Variants in PTH2R observed in about 807,000 individuals in gnomAD.
PTH2R encodes the protein PTH2 receptor.
A neutral mutation model predicts 60.3 loss-of-function variants in PTH2R; 59 were observed. The ratio of observed to expected loss-of-function variants is 0.98; its 90% CI spans 0.79 to 1.22. The LOEUF is 1.22. Among genes scored for constraint, PTH2R ranks in the 50% most tolerant of loss-of-function variants. The probability of loss-of-function intolerance (pLI) is 0.00; values close to 1 mark genes in which losing one functional copy is unlikely to be tolerated. For missense variants in PTH2R, 749 were observed against 682.6 expected, an observed-to-expected ratio of 1.10 and a Z score of -1.08; for synonymous variants, 256 against 243.8, an observed-to-expected ratio of 1.05 and a Z score of -0.47.
intron 1 of PTH2R, among the ~76,000 whole-genome samples, chr2:208,411,186 C>A (rs988074059): frequency 3.3e-5 from 5 of 152,144 alleles, no homozygotes; most frequent in Non-Finnish European, 5.9e-5. Context: ...GCAGAGGTTG[C>A]AGTGAGCTGA....
At chr2:208,367,276 T>C (rs938955757) in intron 1 of PTH2R, among the ~76,000 whole-genome samples, 5 of 152,058 alleles carry the variant, frequency 3.3e-5, no homozygotes, top group Non-Finnish European at 5.9e-5. Flanking sequence ...CTATTTTTAG[T>C]AGAGACAGGG....
upstream of PTH2R, among the ~76,000 whole-genome samples, chr2:208,402,680 C>T (rs1701331998): frequency 6.6e-6 from 1 of 152,118 alleles, no homozygotes; most frequent in Non-Finnish European, 1.5e-5. Context: ...GAGCATATGC[C>T]TTCGTGTGCT....
intron 1 of PTH2R, among the ~76,000 whole-genome samples, chr2:208,401,344 G>T (rs1261027076): frequency 6.6e-6 from 1 of 152,064 alleles, no homozygotes; most frequent in African/African-American, 2.4e-5. Context: ...GGAGAGTTAG[G>T]ATTAGCATCT....
chr2:208,472,085 T>C (rs1702894927), intron 9 of PTH2R, among the ~76,000 whole-genome samples: 1 of 152,194 alleles, frequency 6.6e-6, no homozygotes, highest in Admixed American at 6.5e-5. Context: ...CCCCATTTTA[T>C]CTAGGAAGTA....
chr2:208,455,062 AT>A (rs1005132787), intron 8 of PTH2R, among the ~76,000 whole-genome samples: 14 of 152,218 alleles, frequency 9.2e-5, no homozygotes, highest in Admixed American at 3.3e-4. Context: ...CTGGCTTTGC[AT>A]TTTTCCTTAC....
At chr2:208,454,277 A>T (rs1702465983) in intron 8 of PTH2R, among the ~76,000 whole-genome samples, 1 of 152,162 alleles carries the variant, frequency 6.6e-6, no homozygotes, top group Admixed American at 6.5e-5. Context: ...ATTGCTATGG[A>T]CTGAATTATG....
chr2:208,460,765 T>C (rs1407878053), intron 9 of PTH2R, among the ~76,000 whole-genome samples: 2 of 152,220 alleles, frequency 1.3e-5, no homozygotes, highest in African/African-American at 4.8e-5. Flanking sequence ...CTGGTGTTCA[T>C]GTATGTAATA....
chr2:208,458,347 T>C (rs939677751), intron 8 of PTH2R, among the ~76,000 whole-genome samples: 3 of 152,210 alleles, frequency 2.0e-5, no homozygotes, highest in Non-Finnish European at 4.4e-5. Flanking sequence ...GCAAATTATA[T>C]AATTTTTAAA....
At chr2:208,387,399 T>C (rs546947279) in intron 1 of PTH2R, among the ~76,000 whole-genome samples, 1 of 152,314 alleles carries the variant, frequency 6.6e-6, no homozygotes, top group South Asian at 2.1e-4. Context: ...ATCACATGAA[T>C]TGAACAGGCA....
At chr2:208,380,962 A>G (rs1700902343) in intron 1 of PTH2R, among the ~76,000 whole-genome samples, 1 of 152,128 alleles carries the variant, frequency 6.6e-6, no homozygotes, top group Non-Finnish European at 1.5e-5. Context: ...AAGAGAATGA[A>G]GGTAAAAAAA....
chr2:208,444,917 A>T (rs752257484), intron 7 of PTH2R, 30 bp downstream of exon 7: 8 of 1,590,918 alleles, frequency 5.0e-6, no homozygotes, highest in Middle Eastern at 1.7e-4. Flanking sequence ...GTTCCTTTCA[A>T]ACTGGATGAT....
chr2:208,384,905 A>G (rs992601014), intron 1 of PTH2R, among the ~76,000 whole-genome samples: 1 of 152,212 alleles, frequency 6.6e-6, no homozygotes, highest in Admixed American at 6.5e-5. Context: ...TTTCAACCAC[A>G]TATTACCAGA....
At chr2:208,427,475 G>T (rs1701879879) in intron 1 of PTH2R, among the ~76,000 whole-genome samples, 1 of 151,886 alleles carries the variant, frequency 6.6e-6, no homozygotes, top group African/African-American at 2.4e-5. Context: ...ATTAGTTTTT[G>T]CTTATTCTCT....
chr2:208,376,349 A>G (rs1447878913), intron 1 of PTH2R, among the ~76,000 whole-genome samples: 2 of 152,144 alleles, frequency 1.3e-5, no homozygotes, highest in East Asian at 1.9e-4. Flanking sequence ...TAGGTTATAA[A>G]ATAGTTCCTA....
chr2:208,443,835 A>G (rs1020043166), intron 6 of PTH2R, among the ~76,000 whole-genome samples: 3 of 152,178 alleles, frequency 2.0e-5, no homozygotes, highest in African/African-American at 7.2e-5. Context: ...CATGGGGCTC[A>G]CCACTTTCGA....
At chr2:208,382,931 C>A (rs956169037) in intron 1 of PTH2R, among the ~76,000 whole-genome samples, 2 of 152,258 alleles carry the variant, frequency 1.3e-5, no homozygotes, top group Admixed American at 6.5e-5. Context: ...AAGTTCCTTG[C>A]TCTGTCTTCC....
intron 8 of PTH2R, among the ~76,000 whole-genome samples, chr2:208,452,035 A>C (rs1437416): frequency 3.9e-5 from 6 of 152,008 alleles, no homozygotes; most frequent in Admixed American, 2.0e-4. Flanking sequence ...TCAGTTTCTC[A>C]TGTATAAAGC....
chr2:208,464,016 A>G (rs577979217), intron 9 of PTH2R, among the ~76,000 whole-genome samples: 3 of 152,254 alleles, frequency 2.0e-5, no homozygotes, highest in African/African-American at 7.2e-5. Context: ...TGGTATAATT[A>G]TTAACTCTTG....
At chr2:208,387,797 T>A (rs977372866) in intron 1 of PTH2R, among the ~76,000 whole-genome samples, 1 of 152,222 alleles carries the variant, frequency 6.6e-6, no homozygotes, top group Non-Finnish European at 1.5e-5. Context: ...ACTGATCACA[T>A]CATTACAACA....
Sources: allele counts gnomAD v4.1 joint callset (sites outside exome capture counted in the v4.1 genomes callset), GRCh38; gene constraint gnomAD v4.1.1; transcripts MANE v1.5; gene names NCBI Gene and HGNC (gene_info 2026-07-23, HGNC 2026-07-21).